SV2B: variants seen among roughly 807,000 people sequenced by gnomAD.
SV2B encodes the protein solute carrier family 22 member B2.
In SV2B, 41 loss-of-function variants were observed where a neutral mutation model predicts 73.9. The ratio of observed to expected loss-of-function variants is 0.56; its 90% confidence interval spans 0.43 to 0.72. The LOEUF (loss-of-function observed/expected upper bound fraction) is 0.72, where lower values mean the gene tolerates loss of function less well. SV2B is among the 30% of genes least tolerant of loss of function. The pLI is 0.00. For synonymous variants in SV2B, 314 were observed against 314.2 expected (o/e 1.00, Z 0.01); for missense variants, 764 against 857.8 (o/e 0.89, Z 1.37).
At chr15:91,218,696 C>T (rs2046115830) in intron 1 of SV2B, among the ~76,000 whole-genome samples, 1 of 152,136 alleles carries the variant, frequency 6.6e-6, no homozygotes, top group South Asian at 2.1e-4. Flanking sequence ...CAAGGGTATC[C>T]AGTCCTTCTA....
At chr15:91,264,276 A>C (rs2048027072) in intron 6 of SV2B, among the ~76,000 whole-genome samples, 1 of 152,272 alleles carries the variant, frequency 6.6e-6, no homozygotes, top group African/African-American at 2.4e-5. Context: ...CTGACGATGC[A>C]TTCTACTGTG....
chr15:91,271,004 GAGGA>G, intron 9 of SV2B, among the ~76,000 whole-genome samples: 1 of 151,796 alleles, frequency 6.6e-6, no homozygotes, highest in East Asian at 1.9e-4. Context: ...TGGATGATGG[GAGGA>G]CGGTGAGTCC....
intron 1 of SV2B, among the ~76,000 whole-genome samples, chr15:91,144,488 T>C (rs994115485): frequency 1.3e-5 from 2 of 152,210 alleles, no homozygotes; most frequent in East Asian, 3.8e-4. Flanking sequence ...TGAAAAAATA[T>C]TGAATGCCAG....
intron 1 of SV2B, chr15:91,102,286 A>C (rs2041751250): frequency 6.6e-6 from 1 of 152,220 alleles, no homozygotes; most frequent in African/African-American, 2.4e-5. Context: ...CGTGCACTAC[A>C]AGAAGCATGA....
intron 5 of SV2B, 131 bp from the exon 6 acceptor site, chr15:91,260,189 G>A (rs1291252343): frequency 3.0e-5 from 21 of 705,900 alleles, no homozygotes; most frequent in Non-Finnish European, 4.5e-5. Context: ...GAGTCCATGT[G>A]CAATTGCCTC....
intron 9 of SV2B, among the ~76,000 whole-genome samples, chr15:91,275,026 A>G (rs1245401169): frequency 6.6e-6 from 1 of 152,092 alleles, no homozygotes; most frequent in Non-Finnish European, 1.5e-5. Flanking sequence ...TTTTATAATT[A>G]AGTGAATTTC....
intron 1 of SV2B, among the ~76,000 whole-genome samples, chr15:91,103,903 C>G (rs1209545802): frequency 6.6e-6 from 1 of 152,190 alleles, no homozygotes; most frequent in African/African-American, 2.4e-5. Context: ...TCACAGTGAC[C>G]TTGTTCACCT....
In SV2B at chr15:91,137,302, C is replaced by T. The variant is rs1025014897; in HGVS notation, c.-392+36939C>T. On this transcript the variant is annotated intron_variant, in intron 1 of 12. Transcript: ENST00000394232. The surrounding 1 kb of genome is among the most constrained non-coding windows in gnomAD (Gnocchi z 4.9). ...TAAGCCACCCTCATATTAGAGTCTA[C>T]CCACCTCCATTGTTTTAAAAATTGT... Among the ~76,000 whole-genome samples, 6 of 152,108 alleles carry T rather than the reference C, an allele frequency of 3.9e-5. No individual in the cohort carries two copies. Among genetic ancestry groups the T allele is most frequent in the African/African-American group, 1.4e-4 (6 of 41,418 alleles).
chr15:91,172,718 A>C (rs1256903756), intron 1 of SV2B, among the ~76,000 whole-genome samples: 2 of 152,194 alleles, frequency 1.3e-5, no homozygotes, highest in African/African-American at 2.4e-5. Flanking sequence ...TAGCTGTGTG[A>C]CTTTGGGAAA....
chr15:91,158,513 C>T (rs2043567191), intron 1 of SV2B, among the ~76,000 whole-genome samples: 1 of 151,620 alleles, frequency 6.6e-6, no homozygotes, highest in African/African-American at 2.4e-5. Context: ...CTGTTGTAGT[C>T]AGTGTACATG....
In SV2B at chr15:91,268,714, G is replaced by T; in HGVS notation, c.1373+109G>T. 1.4e-6 allele frequency: 2 copies of T among 1,393,398 alleles called. No homozygotes were observed. The highest frequency in any genetic ancestry group is 4.4e-5 in the Admixed American group (2 of 45,066). 86.3% of individuals were successfully genotyped at this position (1,393,398 alleles called of 1,614,324 possible). On this transcript the variant is annotated intron_variant, in intron 9 of 12. Coordinates refer to ENST00000394232, the MANE Select transcript of SV2B (RefSeq NM_001323032.3). The surrounding 1 kb of genome is among the most constrained non-coding windows in gnomAD (Gnocchi z 4.4). ...GAATCAAATATGGCCGGGAATGAGC[G>T]CCAAGGCTGGTGTCATCATCACAAC...
chr15:91,183,486 A>G (rs187364751), intron 1 of SV2B, among the ~76,000 whole-genome samples: 1 of 152,194 alleles, frequency 6.6e-6, no homozygotes, highest in East Asian at 1.9e-4. Context: ...TCTAGTTTTG[A>G]TATCCAGCTT....
intron 4 of SV2B, among the ~76,000 whole-genome samples, chr15:91,257,626 G>A (rs2047744268): frequency 6.6e-6 from 1 of 152,116 alleles, no homozygotes; most frequent in African/African-American, 2.4e-5. Flanking sequence ...TTCAAAATGT[G>A]GTCCTGAACC....
intron 1 of SV2B, among the ~76,000 whole-genome samples, chr15:91,209,493 A>G (rs1409949582): frequency 6.6e-6 from 1 of 152,212 alleles, no homozygotes; most frequent in Non-Finnish European, 1.5e-5. Flanking sequence ...TCCTTGCCAA[A>G]TATGTAGGAG....
chr15:91,193,565 T>C (rs1596556186), intron 1 of SV2B, among the ~76,000 whole-genome samples: 2 of 152,202 alleles, frequency 1.3e-5, no homozygotes, highest in Non-Finnish European at 2.9e-5. Context: ...GCCCCCACCA[T>C]GCATTTTAAA....
At chr15:91,190,890 G>A (rs1358078301) in intron 1 of SV2B, among the ~76,000 whole-genome samples, 1 of 151,694 alleles carries the variant, frequency 6.6e-6, no homozygotes, top group South Asian at 2.1e-4. Flanking sequence ...ATGCTGCTTT[G>A]TGTATTTGGA....
At chr15:91,237,035 T>C (rs2046812484) in intron 2 of SV2B, among the ~76,000 whole-genome samples, 1 of 152,098 alleles carries the variant, frequency 6.6e-6, no homozygotes, top group South Asian at 2.1e-4. Context: ...GTCAGGCATG[T>C]TATTTCCTTG....
Position 91,121,965 on chromosome 15 carries a change from G to T in SV2B, c.-392+21602G>T, listed in dbSNP as rs531229888. 3.9e-5 allele frequency among the ~76,000 whole-genome samples: 6 copies of T among 151,954 alleles called. No homozygotes were observed. The highest frequency in any genetic ancestry group is 7.4e-5 in the Non-Finnish European group (5 of 67,996). On this transcript the variant is annotated intron_variant, in intron 1 of 12. Coordinates refer to ENST00000394232, the MANE Select transcript of SV2B (RefSeq NM_001323032.3). This position sits in a 1 kb window ranked among gnomAD's most constrained non-coding sequence, Gnocchi z 4.4. ...AATTTTTTGTATTTTTAGTAGAGAC[G>T]GGGTTTCACCATGTTAGCCAGGATG...
chr15:91,251,739 C>G, intron 2 of SV2B, 80 bp from the exon 3 acceptor site: 1 of 1,415,344 alleles, frequency 7.1e-7, no homozygotes, highest in Non-Finnish European at 9.6e-7. Context: ...TAAAAATGAA[C>G]ATTGTATTTT....
Sources: gnomAD v4.1 joint callset for allele counts (sites outside exome capture counted in the v4.1 genomes callset) on GRCh38, gnomAD v4.1.1 for gene constraint, Gnocchi (gnomAD v3.1) non-coding constraint, MANE v1.5 for transcripts, NCBI Gene and HGNC (gene_info 2026-07-23, HGNC 2026-07-21) for gene names.